The following PRKAR1B variants were observed in gnomAD, a reference collection of about 807,000 sequenced individuals.
The protein encoded by PRKAR1B is protein kinase cAMP-dependent type I regulatory subunit beta.
Under a neutral mutation model 46.5 loss-of-function variants are expected in PRKAR1B, and 22 were observed. The observed-to-expected ratio is 0.47, with a 90% CI of 0.34 to 0.68. PRKAR1B has a LOEUF of 0.68. Among genes scored for constraint, PRKAR1B ranks in the 30% least tolerant of loss-of-function variants. The pLI is 0.01. For missense variants in PRKAR1B, 445 were observed against 535.6 expected (o/e 0.83, Z 1.67); for synonymous variants, 259 against 217.7 (o/e 1.19, Z -1.67).
chr7:605,089 A>C (rs899652366), intron 6 of PRKAR1B, among the ~76,000 whole-genome samples: 1 of 152,230 alleles, frequency 6.6e-6, no homozygotes, highest in Non-Finnish European at 1.5e-5. Flanking sequence ...GCTGATGCCC[A>C]CTGGGAAGTG....
At chr7:600,275 C>T (rs894694429) in intron 6 of PRKAR1B, among the ~76,000 whole-genome samples, 1 of 152,126 alleles carries the variant, frequency 6.6e-6, no homozygotes, top group African/African-American at 2.4e-5. Flanking sequence ...GAAGCCCAGG[C>T]GGGAGGATTG....
chr7:556,377 C>A (rs984144107), intron 9 of PRKAR1B, among the ~76,000 whole-genome samples: 10 of 149,610 alleles, frequency 6.7e-5, no homozygotes, highest in Non-Finnish European at 1.0e-4. Flanking sequence ...GTTTCCACTG[C>A]GACGTGGGTT....
chr7:554,101 C>T (rs1187402594), intron 9 of PRKAR1B, among the ~76,000 whole-genome samples: 2 of 152,270 alleles, frequency 1.3e-5, no homozygotes, highest in Non-Finnish European at 2.9e-5. Context: ...TCAGGCCAGA[C>T]CCGGGCACAG....
rs1780412770 is a variant in PRKAR1B at position 707,837 on chromosome 7, GA to G, written c.177+3491del. On this transcript the variant is annotated intron_variant, in intron 2 of 10. Coordinates refer to ENST00000537384, the MANE Select transcript of PRKAR1B (RefSeq NM_001164760.2). ...CAGAACCTTCTCCCACATGGACCCA[GA>G]AGGAGCCATCCCACCACACCTTGGT... is the stretch of plus-strand genomic sequence containing the variant. Among the ~76,000 whole-genome samples the G allele has an allele frequency of 2.6e-5, 4 of 151,722 alleles. No homozygotes were observed. The South Asian group carries it at 8.3e-4, about 32-fold the overall frequency.
chr7:596,111 G>C (rs367843062), intron 7 of PRKAR1B, 35 bp downstream of exon 7: 11 of 1,597,584 alleles, frequency 6.9e-6, no homozygotes, highest in Non-Finnish European at 9.4e-6. Flanking sequence ...CCAAGGGTGG[G>C]TGTTGGCCTT....
chr7:641,088 G>A (rs1336330919), intron 4 of PRKAR1B, among the ~76,000 whole-genome samples: 2 of 152,134 alleles, frequency 1.3e-5, no homozygotes, highest in African/African-American at 2.4e-5. Flanking sequence ...GAGTAGCTGG[G>A]ACTACAGGTG....
intron 7 of PRKAR1B, among the ~76,000 whole-genome samples, chr7:594,395 G>A (rs1432612018): frequency 6.6e-6 from 1 of 152,158 alleles, no homozygotes; most frequent in Non-Finnish European, 1.5e-5. Flanking sequence ...CCGAAGGAGA[G>A]GGCTCGGAGC....
intron 4 of PRKAR1B, among the ~76,000 whole-genome samples, chr7:669,417 T>C (rs1434407542): frequency 6.6e-6 from 1 of 152,166 alleles, no homozygotes; most frequent in Non-Finnish European, 1.5e-5. Context: ...AGAGTGGTGA[T>C]GGCAGCACAC....
intron 7 of PRKAR1B, among the ~76,000 whole-genome samples, chr7:594,001 C>T (rs1583266845): frequency 6.6e-6 from 1 of 152,140 alleles, no homozygotes; most frequent in African/African-American, 2.4e-5. Context: ...CGTCTCTCAG[C>T]TGGCCCATGG....
At chr7:551,501 C>T (rs1312520501) in intron 9 of PRKAR1B, 31 bp from the exon 10 acceptor site, 1 of 1,536,776 alleles carries the variant, frequency 6.5e-7, no homozygotes. Context: ...ACGTGAGTGC[C>T]AGCCAGGCGG....
rs532329690 is a variant in PRKAR1B, at chr7:616,323, G to A, written c.441-8871C>T. Among the ~76,000 whole-genome samples, 12 of 152,300 alleles carry A rather than the reference G, an allele frequency of 7.9e-5. No individual in the cohort carries two copies. The South Asian group carries it at 2.5e-3, about 32-fold the overall frequency. ...CATCAACCACAGACCACCGCAGATG[G>A]GGGACCTTCCTTCCCCCTCCACCTG... is the stretch of plus-strand genomic sequence containing the variant. On this transcript the variant is annotated intron_variant, in intron 4 of 10. Transcript: ENST00000537384.
chr7:663,331 C>A (rs1010940406), intron 4 of PRKAR1B, among the ~76,000 whole-genome samples: 2 of 152,170 alleles, frequency 1.3e-5, no homozygotes, highest in Non-Finnish European at 2.9e-5. Context: ...CAGCCTCAAG[C>A]AATCCTCCCA....
chr7:721,339 C>T (rs1422784559), intron 1 of PRKAR1B, among the ~76,000 whole-genome samples: 1 of 152,084 alleles, frequency 6.6e-6, no homozygotes, highest in Non-Finnish European at 1.5e-5. Flanking sequence ...AGGCCCCAGC[C>T]CTCTTCTGTT....
chr7:606,719 A>G (rs1025152958), intron 5 of PRKAR1B, among the ~76,000 whole-genome samples: 24 of 151,818 alleles, frequency 1.6e-4, no homozygotes, highest in African/African-American at 5.3e-4. Flanking sequence ...AAGTGCTGGG[A>G]TTACAGGCGT....
intron 4 of PRKAR1B, among the ~76,000 whole-genome samples, chr7:642,872 C>T (rs1253844331): frequency 1.3e-5 from 2 of 151,484 alleles, no homozygotes; most frequent in South Asian, 2.1e-4. Flanking sequence ...GCAGTGAGAC[C>T]GTGGGTCGCA....
Position 550,558 on chromosome 7 carries a change from C to T in PRKAR1B, c.1018G>A (p.Val340Met), listed in dbSNP as rs370144226. The change falls in exon 11 of 11, where the codon GTG becomes ATG. Residue 340 changes from valine (V) to methionine (M), a missense_variant. By Grantham distance (21) the Val-to-Met change is conservative. Coordinates refer to ENST00000537384, the MANE Select transcript of PRKAR1B (RefSeq NM_001164760.2). The part of the protein sequence containing the change: ...LLNRPRAATV[V>M]ARGPLKCVKL... ...ACACACTTGAGGGGCCCCCGGGCCA[C>T]GACAGTGGCCGCCCGGGGCCGGTTC... The T allele has an allele frequency of 2.6e-4, 410 of 1,599,278 alleles. No individual in the cohort carries two copies. The highest frequency in any genetic ancestry group is 2.6e-4 in the Non-Finnish European group (310 of 1,174,436).
At chr7:592,998 T>C (rs1315571487) in intron 7 of PRKAR1B, among the ~76,000 whole-genome samples, 5 of 152,138 alleles carry the variant, frequency 3.3e-5, no homozygotes, top group African/African-American at 4.8e-5. Flanking sequence ...ATTGTGCCAC[T>C]GCACTCCATC....
intron 4 of PRKAR1B, among the ~76,000 whole-genome samples, chr7:633,105 C>T (rs1007897583): frequency 6.6e-6 from 1 of 152,238 alleles, no homozygotes; most frequent in African/African-American, 2.4e-5. Flanking sequence ...CTCTGGAATA[C>T]GCTCAGAAAC....
intron 9 of PRKAR1B, among the ~76,000 whole-genome samples, chr7:562,825 C>T (rs1778885907): frequency 6.6e-6 from 1 of 152,194 alleles, no homozygotes; most frequent in Non-Finnish European, 1.5e-5. Context: ...TGACTCCCTC[C>T]ACCATGCTGA....
Sources: allele counts gnomAD v4.1 joint callset (sites outside exome capture counted in the v4.1 genomes callset), GRCh38; gene constraint gnomAD v4.1.1; transcripts MANE v1.5; gene names NCBI Gene and HGNC (gene_info 2026-07-23, HGNC 2026-07-21).